The following ZNF560 variants were observed in gnomAD, a reference collection of about 807,000 sequenced individuals.
ZNF560 encodes zinc finger protein 560.
ZNF560 carries 54 observed loss-of-function variants against 81.8 expected under a neutral mutation model. The observed-to-expected ratio is 0.66, with a 90% confidence interval of 0.53 to 0.83. The LOEUF is 0.83. Ranked by LOEUF, ZNF560 falls within the 40% of genes least tolerant of loss-of-function variation. ZNF560 has a pLI of 0.00. For synonymous variants in ZNF560, 321 were observed against 317.9 expected (o/e 1.01, Z -0.10); for missense variants, 940 against 932.4 (o/e 1.01, Z -0.11).
At chr19:9,470,177 G>T (rs1254287292) in intron 7 of ZNF560, among the ~76,000 whole-genome samples, 1 of 152,036 alleles carries the variant, frequency 6.6e-6, no homozygotes, top group East Asian at 1.9e-4. Context: ...GACAGTGATG[G>T]TGATGCTACT....
At chr19:9,505,291 C>T in the ZNF560 span, among the ~76,000 whole-genome samples, 1 of 152,136 alleles carries the variant, frequency 6.6e-6, no homozygotes, top group South Asian at 2.1e-4. Context: ...ATTATAAAGT[C>T]TTTTACTTAA....
In ZNF560 at chr19:9,466,836, T is replaced by C; in HGVS notation, c.2111A>G (p.Lys704Arg). Reference protein sequence around the residue: ...RNSMCFHDRLKTLTKIKPYKC... With the variant: ...RNSMCFHDRLRTLTKIKPYKC... Reference sequence around the variant, plus strand: ...ATAGGGTTTTATTTTGGTGAGAGTTTTTAAGCGATCATGAAAGCACATGGA... The same window carrying C: ...ATAGGGTTTTATTTTGGTGAGAGTTCTTAAGCGATCATGAAAGCACATGGA... The change falls in exon 10 of 10, where the codon AAA becomes AGA. Residue 704 changes from lysine to arginine, a missense_variant. Lys to Arg is a conservative substitution (Grantham distance 26). Coordinates refer to ENST00000301480, the MANE Select transcript of ZNF560 (RefSeq NM_152476.3). 6.2e-7 allele frequency: 1 copy of C among 1,613,312 alleles called. No individual in the cohort carries two copies. The highest frequency in any genetic ancestry group is 8.5e-7 in the Non-Finnish European group (1 of 1,179,818).
the ZNF560 span, among the ~76,000 whole-genome samples, chr19:9,454,354 C>T: frequency 3.3e-5 from 5 of 152,158 alleles, no homozygotes; most frequent in South Asian, 2.1e-4. Flanking sequence ...CCTCTAGCAC[C>T]GCTGGGTTGA....
At chr19:9,465,924 G>A (rs2073007489), downstream of ZNF560, among the ~76,000 whole-genome samples, 1 of 152,054 alleles carries the variant, frequency 6.6e-6, no homozygotes, top group Admixed American at 6.6e-5. Context: ...AACCCAGGAG[G>A]CGGAGGTTGC....
chr19:9,487,445 T>C (rs773744315), intron 2 of ZNF560, among the ~76,000 whole-genome samples: 3 of 152,238 alleles, frequency 2.0e-5, no homozygotes, highest in Non-Finnish European at 4.4e-5. Context: ...TAAGTCACTT[T>C]TGTGGGATGT....
chr19:9,485,187 T>C (rs1426273920), intron 2 of ZNF560, among the ~76,000 whole-genome samples: 2 of 152,290 alleles, frequency 1.3e-5, no homozygotes, highest in East Asian at 1.9e-4. Context: ...CCAATCCTTC[T>C]GAAATTATTC....
At chr19:9,492,793 A>G (rs1464324738) in intron 2 of ZNF560, among the ~76,000 whole-genome samples, 1 of 152,208 alleles carries the variant, frequency 6.6e-6, no homozygotes, top group African/African-American at 2.4e-5. Context: ...AGGCCCAGGA[A>G]TTGATGGGTG....
At chr19:9,474,133 G>T in intron 4 of ZNF560, 66 bp downstream of exon 4, 1 of 1,584,400 alleles carries the variant, frequency 6.3e-7, no homozygotes, top group South Asian at 1.1e-5. Flanking sequence ...ACCAATTCTG[G>T]AACACAGCAA....
At chr19:9,488,395 C>G (rs2144720431) in intron 2 of ZNF560, among the ~76,000 whole-genome samples, 1 of 152,218 alleles carries the variant, frequency 6.6e-6, no homozygotes, top group South Asian at 2.1e-4. Flanking sequence ...CACTTTGAGC[C>G]TCCCTTACCA....
intron 2 of ZNF560, among the ~76,000 whole-genome samples, chr19:9,482,616 C>G (rs1054107644): frequency 1.3e-5 from 2 of 151,728 alleles, no homozygotes; most frequent in African/African-American, 4.8e-5. Flanking sequence ...AGAGCAAGAC[C>G]CTTTCTCAAA....
chr19:9,499,226 T>C (rs1440211840), upstream of ZNF560, among the ~76,000 whole-genome samples: 2 of 152,140 alleles, frequency 1.3e-5, no homozygotes, highest in African/African-American at 2.4e-5. Context: ...AAGGCTGGAA[T>C]GCAGTGGTAG....
At chr19:9,502,211 G>A (rs1026569236), upstream of ZNF560, among the ~76,000 whole-genome samples, 1 of 151,806 alleles carries the variant, frequency 6.6e-6, no homozygotes, top group Non-Finnish European at 1.5e-5. Context: ...GTTTCGGTTT[G>A]GTTTGGTTTG....
At chr19:9,490,913 CTT>C (rs1599679180) in intron 2 of ZNF560, among the ~76,000 whole-genome samples, 1 of 152,322 alleles carries the variant, frequency 6.6e-6, no homozygotes, top group Admixed American at 6.5e-5. Flanking sequence ...ACTATCATAA[CTT>C]ATATCAATTC....
At chr19:9,458,821 C>A in the ZNF560 span, among the ~76,000 whole-genome samples, 1 of 152,340 alleles carries the variant, frequency 6.6e-6, no homozygotes, top group South Asian at 2.1e-4. Flanking sequence ...CAGCGATGCC[C>A]AACTTGCCAA....
intron 2 of ZNF560, among the ~76,000 whole-genome samples, chr19:9,488,704 T>A (rs1469334409): frequency 6.6e-6 from 1 of 152,046 alleles, no homozygotes; most frequent in Admixed American, 6.6e-5. Context: ...ATCAAGAAGG[T>A]TAAAATGTTA....
chr19:9,459,163 ATC>A, the ZNF560 span, among the ~76,000 whole-genome samples: 2 of 152,254 alleles, frequency 1.3e-5, no homozygotes, highest in Non-Finnish European at 2.9e-5. Context: ...GAAAGAATGA[ATC>A]TCTCCCTAAA....
rs10416098 is a variant in ZNF560, at chr19:9,467,058, T to C, written c.1889A>G (p.Tyr630Cys). ...RRHTGDKPYE[Y>C]KDCGKAFVVS... Reference sequence around the variant, plus strand: ...AACAAAGGCTTTCCCACAGTCCTTATATTCATAGGGCTTATCTCCAGTGTG... The same window carrying C: ...AACAAAGGCTTTCCCACAGTCCTTACATTCATAGGGCTTATCTCCAGTGTG... Residue 630 changes from tyrosine (Y) to cysteine (C), a missense_variant, in exon 10 of 10, where the codon TAT (tyrosine) becomes TGT (cysteine). Tyr to Cys is a radical substitution (Grantham distance 194, BLOSUM62 -2). Coordinates refer to ENST00000301480, the MANE Select transcript of ZNF560 (RefSeq NM_152476.3). 14,500 of 1,613,528 alleles carry C rather than the reference T, an allele frequency of 9.0e-3. 1,132 individuals carry two copies. The African/African-American group carries it at 0.17, about 19-fold the overall frequency.
At chr19:9,460,237 C>CA in the ZNF560 span, among the ~76,000 whole-genome samples, 1 of 152,152 alleles carries the variant, frequency 6.6e-6, no homozygotes, top group Non-Finnish European at 1.5e-5. Context: ...CCCCAACTGT[C>CA]ACGAGCAACA....
chr19:9,455,264 G>T, the ZNF560 span, among the ~76,000 whole-genome samples: 3 of 152,166 alleles, frequency 2.0e-5, no homozygotes, highest in Admixed American at 6.5e-5. Flanking sequence ...CTTTCGTGAT[G>T]GGTCTGTCAA....
Sources: allele counts gnomAD v4.1 joint callset (sites outside exome capture counted in the v4.1 genomes callset), GRCh38; gene constraint gnomAD v4.1.1; transcripts MANE v1.5; gene names NCBI Gene and HGNC (gene_info 2026-07-23, HGNC 2026-07-21).